Variants in UACA observed in about 807,000 individuals in gnomAD.
UACA encodes the protein uveal autoantigen with coiled-coil domains and ankyrin repeats.
Under a neutral mutation model 160.5 loss-of-function variants are expected in UACA, and 112 were observed. The ratio of observed to expected loss-of-function variants is 0.70; its 90% confidence interval spans 0.60 to 0.82. The LOEUF is 0.82. UACA is among the 40% of genes least tolerant of loss of function. The probability of loss-of-function intolerance (pLI) is 0.00; values close to 1 mark genes in which losing one functional copy is unlikely to be tolerated. For missense variants in UACA, 1,574 were observed against 1,614.6 expected, an observed-to-expected ratio of 0.97 and a Z score of 0.43; for synonymous variants, 557 against 568.4, an observed-to-expected ratio of 0.98 and a Z score of 0.29.
chr15:70,775,853 A>G, the UACA span, among the ~76,000 whole-genome samples: 5 of 152,220 alleles, frequency 3.3e-5, no homozygotes, highest in African/African-American at 9.7e-5. Flanking sequence ...AGTTTTGTGT[A>G]TGAAAACAAT....
Position 70,655,228 on chromosome 15 carries a change from G to GTTTTA in UACA, c.*1823_*1827dup, listed in dbSNP as rs966069714. On this transcript the variant is annotated 3_prime_UTR_variant, in exon 19 of 19. Coordinates refer to ENST00000322954, the MANE Select transcript of UACA (RefSeq NM_018003.4). ...TACTCAGTTTTAAACTTTGCTCTAA[G>GTTTTA]TTTTATTTTATTTTATTTTGAGATG... is the stretch of plus-strand genomic sequence containing the variant. The GTTTTA allele has an allele frequency of 2.6e-5, 4 of 152,150 alleles. No homozygotes were observed. The highest frequency in any genetic ancestry group is 1.9e-4 in the East Asian group (1 of 5,182). 9.4% of individuals were successfully genotyped at this position (152,150 alleles called of 1,614,324 possible). A position where few individuals can be genotyped will look rare whatever the true frequency, so the allele number is the denominator to read the frequency against.
intron 3 of UACA, among the ~76,000 whole-genome samples, chr15:70,692,430 T>C (rs1017406126): frequency 2.6e-5 from 4 of 152,138 alleles, no homozygotes; most frequent in Non-Finnish European, 5.9e-5. Context: ...CCCAAAGTAA[T>C]AGGATTACAA....
At chr15:70,666,624 C>CAAA in intron 16 of UACA, 100 bp downstream of exon 16, 1 of 977,108 alleles carries the variant, frequency 1.0e-6, no homozygotes, top group East Asian at 2.9e-5. Context: ...GAAAGGGTCA[C>CAAA]TTTGTTAATA....
chr15:70,770,324 T>C, the UACA span, among the ~76,000 whole-genome samples: 1 of 152,250 alleles, frequency 6.6e-6, no homozygotes, highest in East Asian at 1.9e-4. Flanking sequence ...AGTAGCATTA[T>C]TCTGCATTGC....
At chr15:70,764,257 A>G (rs1332309281), upstream of UACA, among the ~76,000 whole-genome samples, 1 of 152,190 alleles carries the variant, frequency 6.6e-6, no homozygotes, top group African/African-American at 2.4e-5. Flanking sequence ...AATGACTCCC[A>G]CAGCCAGTGA....
chr15:70,717,675 A>G (rs1238505278), intron 1 of UACA, among the ~76,000 whole-genome samples: 1 of 152,160 alleles, frequency 6.6e-6, no homozygotes, highest in Non-Finnish European at 1.5e-5. Flanking sequence ...CTCCATACTC[A>G]TATTTTACTA....
At chr15:70,728,289 C>T (rs1197799135) in intron 1 of UACA, among the ~76,000 whole-genome samples, 5 of 152,260 alleles carry the variant, frequency 3.3e-5, no homozygotes, top group East Asian at 1.9e-4. Flanking sequence ...AGAGGCCAGG[C>T]GCAGCGGCTC....
At chr15:70,686,908 T>C (rs1481708897) in intron 7 of UACA, among the ~76,000 whole-genome samples, 1 of 152,160 alleles carries the variant, frequency 6.6e-6, no homozygotes, top group Admixed American at 6.5e-5. Context: ...CATGATACAT[T>C]AGACCTACAG....
At chr15:70,678,831 A>T (rs868266674) in intron 10 of UACA, among the ~76,000 whole-genome samples, 2 of 152,206 alleles carry the variant, frequency 1.3e-5, no homozygotes, top group South Asian at 4.1e-4. Context: ...TGGTTAGTTT[A>T]ACAAAATTAT....
the UACA span, among the ~76,000 whole-genome samples, chr15:70,772,516 A>G: frequency 4.0e-4 from 60 of 149,118 alleles, no homozygotes; most frequent in African/African-American, 1.4e-3. Flanking sequence ...AAAAAAAAAA[A>G]AGAATCTAGG....
At chr15:70,709,190 T>G (rs995215600) in intron 1 of UACA, among the ~76,000 whole-genome samples, 1 of 152,208 alleles carries the variant, frequency 6.6e-6, no homozygotes, top group East Asian at 1.9e-4. Context: ...AAAGAAGCAG[T>G]AAATTTTTTG....
the UACA span, among the ~76,000 whole-genome samples, chr15:70,777,647 G>C: frequency 1.3e-5 from 2 of 152,212 alleles, no homozygotes; most frequent in Non-Finnish European, 2.9e-5. Flanking sequence ...GCTGGGTGAG[G>C]ACTGAAATTA....
chr15:70,748,341 C>A (rs1056409573), intron 1 of UACA, among the ~76,000 whole-genome samples: 64 of 152,170 alleles, frequency 4.2e-4, no homozygotes, highest in Admixed American at 7.2e-4. Flanking sequence ...GCACGTGACC[C>A]TCCTGCTGGC....
chr15:70,668,336 T>A lies in UACA; in HGVS notation c.2348A>T (p.Glu783Val). 1 of 1,610,628 alleles carries A rather than the reference T, an allele frequency of 6.2e-7. No individual in the cohort carries two copies. The change falls in exon 16 of 19, where the codon GAG becomes GTG. Residue 783 changes from glutamate (E) to valine (V), a missense_variant. Transcript: ENST00000322954. The stretch of plus-strand genomic sequence containing the variant: ...GCTGTCATTTTCCAGTAGCAATTTC[T>A]CCATTTCCAACTTCTTTTCTGTATA... Reference protein sequence around the residue: ...QKYTEKKLEMEKLLLENDSLS... With the variant: ...QKYTEKKLEMVKLLLENDSLS...
At chr15:70,721,661 T>C (rs1898998116) in intron 1 of UACA, among the ~76,000 whole-genome samples, 1 of 151,332 alleles carries the variant, frequency 6.6e-6, no homozygotes, top group Admixed American at 6.6e-5. Flanking sequence ...GCAACCCTAA[T>C]AAACTTTTAT....
Position 70,668,446 on chromosome 15 carries a change from A to G in UACA, c.2238T>C (p.Pro746=), listed in dbSNP as rs749274778. Residue 746 remains proline (P), a synonymous_variant, in exon 16 of 19, where the codon CCT becomes CCC. Coordinates refer to ENST00000322954, the MANE Select transcript of UACA (RefSeq NM_018003.4). ...LTIEMKNHYV[P]LKVSEDMKKS... ...TTTTCATGTCTTCACTTACTTTTAA[A>G]GGAACATAATGATTTTTCATTTCAA... 1 of 1,612,314 alleles carries G rather than the reference A, an allele frequency of 6.2e-7. No individual in the cohort carries two copies.
intron 1 of UACA, among the ~76,000 whole-genome samples, chr15:70,727,516 T>G (rs1235577591): frequency 6.6e-6 from 1 of 152,208 alleles, no homozygotes; most frequent in Non-Finnish European, 1.5e-5. Context: ...ACATTTTTAT[T>G]AACTTTACTG....
chr15:70,720,095 T>C (rs1004592350), intron 1 of UACA, among the ~76,000 whole-genome samples: 1 of 152,074 alleles, frequency 6.6e-6, no homozygotes, highest in Non-Finnish European at 1.5e-5. Context: ...GATCTGGTTG[T>C]TTAAAGCATG....
the UACA span, among the ~76,000 whole-genome samples, chr15:70,776,509 C>T: frequency 6.6e-6 from 1 of 150,520 alleles, no homozygotes; most frequent in East Asian, 2.0e-4. Context: ...CTCACTGCAA[C>T]CTCCGCCTCC....
Sources: gnomAD v4.1 joint callset for allele counts (sites outside exome capture counted in the v4.1 genomes callset) on GRCh38, gnomAD v4.1.1 for gene constraint, MANE v1.5 for transcripts, NCBI Gene and HGNC (gene_info 2026-07-23, HGNC 2026-07-21) for gene names.